The following ZBTB46 variants were observed in gnomAD, a reference collection of about 807,000 sequenced individuals.
ZBTB46 encodes the protein zinc finger and BTB domain containing 46, also known as zinc finger and BTB domain-containing protein 46.
In ZBTB46, 8 loss-of-function variants were observed where a neutral mutation model predicts 44.1. The observed-to-expected ratio is 0.18, with a 90% CI of 0.11 to 0.33. ZBTB46 has a LOEUF of 0.33. ZBTB46 is among the 10% of genes least tolerant of loss of function. The pLI is 1.00. For missense variants in ZBTB46, 651 were observed against 847.7 expected (o/e 0.77, Z 2.88); for synonymous variants, 409 against 382.3 (o/e 1.07, Z -0.81).
intron 3 of ZBTB46, among the ~76,000 whole-genome samples, chr20:63,757,146 C>T (rs1422679557): frequency 1.3e-5 from 2 of 152,162 alleles, no homozygotes; most frequent in Non-Finnish European, 2.9e-5. Context: ...GGGAGGGGAA[C>T]AGAATCTTGC....
intron 3 of ZBTB46, among the ~76,000 whole-genome samples, chr20:63,771,013 G>A (rs370613800): frequency 1.8e-4 from 4 of 22,650 alleles, no homozygotes; most frequent in Non-Finnish European, 4.4e-4. Flanking sequence ...ACGTCAGCAG[G>A]AGGTCGCAAG....
chr20:63,790,719 G>A lies in ZBTB46; in HGVS notation c.39C>T (p.His13=). The change falls in exon 2 of 5, where the codon CAC becomes CAT. Residue 13 remains histidine, a synonymous_variant. Coordinates refer to ENST00000245663, the MANE Select transcript of ZBTB46 (RefSeq NM_001369741.1). The stretch of plus-strand genomic sequence containing the variant: ...TGAGCTCCCGCAGCAGGTGCCGGTA[G>A]TGGGACGTGATTTCCATATCTTCCT... The part of the protein sequence containing the change: ...NRKEDMEITS[H]YRHLLRELNE... 1 of 1,610,056 alleles carries A rather than the reference G, an allele frequency of 6.2e-7. No homozygotes were observed. Among genetic ancestry groups the A allele is most frequent in the Non-Finnish European group, 8.5e-7 (1 of 1,179,020 alleles).
chr20:63,747,024 T>C lies in ZBTB46; in HGVS notation c.1676A>G (p.Asp559Gly). 6.2e-7 allele frequency: 1 copy of C among 1,608,228 alleles called. No individual in the cohort carries two copies. Residue 559 changes from aspartate to glycine, a missense_variant, in exon 5 of 5, where the codon GAT becomes GGT. Transcript: ENST00000245663. ...GEDDEGLAPE[D>G]ALLADDKDEE... is the part of the protein sequence containing the mutation. ...ATCCTTGTCGTCCGCCAACAGCGCA[T>C]CCTCAGGGGCCAGGCCCTCGTCGTC...
chr20:63,750,157 C>T (rs1439634222), intron 4 of ZBTB46, among the ~76,000 whole-genome samples: 2 of 152,236 alleles, frequency 1.3e-5, no homozygotes, highest in African/African-American at 2.4e-5. Context: ...GTCTCACACT[C>T]GGGTCTCCAC....
At chr20:63,773,268 A>G (rs1160724141) in intron 3 of ZBTB46, among the ~76,000 whole-genome samples, 1 of 137,490 alleles carries the variant, frequency 7.3e-6, no homozygotes, top group African/African-American at 2.9e-5. Flanking sequence ...TCACTCTGTC[A>G]CCCAGGCTGG....
At position 63,808,981 on chromosome 20, in the gene ZBTB46, AAAAAAAAAAAAAAAAAAAGAAAAAG is replaced by A. The variant is rs1311163273; in HGVS notation, c.-33-18216_-33-18192del. Reference sequence around the variant, plus strand: ...GGCAGAGCGAGACTCCGCTTCAAAAAAAAAAAAAAAAAAAAAAAGAAAAAGAAAAAAAAAAAAGAAAGAAAACTCC... The same window carrying A: ...GGCAGAGCGAGACTCCGCTTCAAAAAAAAAAAAAAAAAGAAAGAAAACTCC... On this transcript the variant is annotated intron_variant, in intron 1 of 4. Transcript: ENST00000245663. 4.5e-3 allele frequency among the ~76,000 whole-genome samples: 462 copies of A among 101,596 alleles called. 4 individuals are homozygous for A. The highest frequency in any genetic ancestry group is 5.8e-3 in the Non-Finnish European group (298 of 51,708). The allele number at this position is 101,596 out of a possible 152,430, so 66.7% of individuals were successfully genotyped here. A position where few individuals can be genotyped will look rare whatever the true frequency, so the allele number is the denominator to read the frequency against.
intron 1 of ZBTB46, among the ~76,000 whole-genome samples, chr20:63,807,294 T>C (rs936120248): frequency 3.3e-5 from 5 of 152,196 alleles, no homozygotes; most frequent in African/African-American, 1.2e-4. Flanking sequence ...TTTTCTTTCA[T>C]TGGAAGTTTT....
Position 63,747,058 on chromosome 20 carries a change from G to T in ZBTB46, c.1642C>A (p.Leu548Met). ...PEDPRGEAEE[L>M]GEDDEGLAPE... ...GCCAGGCCCTCGTCGTCCTCGCCCAGCTCCTCCGCCTCCCCTCGTGGGTCC... is the reference window on the plus strand; with the variant it reads ...GCCAGGCCCTCGTCGTCCTCGCCCATCTCCTCCGCCTCCCCTCGTGGGTCC... The change falls in exon 5 of 5, where the codon CTG (leucine) becomes ATG (methionine). Residue 548 changes from leucine to methionine, a missense_variant. By Grantham distance (15) the Leu-to-Met change is conservative (BLOSUM62 2). Coordinates refer to ENST00000245663, the MANE Select transcript of ZBTB46 (RefSeq NM_001369741.1). 1 of 1,608,748 alleles carries T rather than the reference G, an allele frequency of 6.2e-7. No individual in the cohort carries two copies. The highest frequency in any genetic ancestry group is 1.1e-5 in the South Asian group (1 of 91,082).
intron 1 of ZBTB46, among the ~76,000 whole-genome samples, chr20:63,806,246 TA>T (rs113225024): frequency 3.5e-4 from 51 of 144,208 alleles, no homozygotes; most frequent in Admixed American, 4.8e-4. Flanking sequence ...TACTAAAAGT[TA>T]AAAAAAAAAA....
intron 1 of ZBTB46, among the ~76,000 whole-genome samples, chr20:63,828,552 C>T (rs2092831887): frequency 6.6e-6 from 1 of 152,134 alleles, no homozygotes; most frequent in South Asian, 2.1e-4. Flanking sequence ...TCAACCATCA[C>T]TCAAGGTCAC....
chr20:63,803,302 G>A lies in ZBTB46; in HGVS notation c.-33-12512C>T, dbSNP rs930359711. 2.7e-5 allele frequency: 27 copies of A among 984,808 alleles called. No individual in the cohort carries two copies. In the African/African-American group the frequency reaches 4.7e-4, roughly 17 times the overall value. 61.0% of individuals were successfully genotyped at this position (984,808 alleles called of 1,614,324 possible). A position where few individuals can be genotyped will look rare whatever the true frequency, so the allele number is the denominator to read the frequency against. ...GTTAAGACATGAATACTGTGAAACT[G>A]TCGTACAAATTAAATTTCATATACA... On this transcript the variant is annotated intron_variant, in intron 1 of 4. Transcript: ENST00000245663. This position sits in a 1 kb window ranked among gnomAD's most constrained non-coding sequence, Gnocchi z 4.0.
intron 1 of ZBTB46, among the ~76,000 whole-genome samples, chr20:63,798,021 T>C (rs895198645): frequency 2.0e-5 from 3 of 152,242 alleles, no homozygotes; most frequent in Admixed American, 6.5e-5. Context: ...TTCATCAATT[T>C]TGGCTTTTGT....
intron 3 of ZBTB46, among the ~76,000 whole-genome samples, chr20:63,771,277 G>C (rs1447851547): frequency 6.6e-6 from 1 of 151,994 alleles, no homozygotes; most frequent in Admixed American, 6.6e-5. Flanking sequence ...AAGATGGCGG[G>C]GGGGCTACGC....
At chr20:63,763,939 G>A (rs1204255893) in intron 3 of ZBTB46, among the ~76,000 whole-genome samples, 1 of 151,938 alleles carries the variant, frequency 6.6e-6, no homozygotes, top group Non-Finnish European at 1.5e-5. Context: ...TACTCACACA[G>A]TTGCCTTATC....
chr20:63,779,949 G>C (rs754697858), intron 2 of ZBTB46, among the ~76,000 whole-genome samples: 1 of 152,122 alleles, frequency 6.6e-6, no homozygotes, highest in Non-Finnish European at 1.5e-5. Context: ...AGGATAAGCT[G>C]AAAGAACTCT....
At chr20:63,833,874 T>C (rs567727495), upstream of ZBTB46, among the ~76,000 whole-genome samples, 1 of 152,294 alleles carries the variant, frequency 6.6e-6, no homozygotes, top group Non-Finnish European at 1.5e-5. Flanking sequence ...ATAAACCCCA[T>C]TACTATTTAA....
At chr20:63,785,389 C>T (rs1361391973) in intron 2 of ZBTB46, among the ~76,000 whole-genome samples, 7 of 151,376 alleles carry the variant, frequency 4.6e-5, no homozygotes, top group Non-Finnish European at 1.0e-4. Context: ...GGTGAAACCC[C>T]GTCTCTACTA....
intron 1 of ZBTB46, among the ~76,000 whole-genome samples, chr20:63,817,143 G>T (rs1427569764): frequency 6.6e-6 from 1 of 152,034 alleles, no homozygotes; most frequent in African/African-American, 2.4e-5. Flanking sequence ...GAAAGGGCCA[G>T]ATGTGGTGGC....
At chr20:63,799,332 G>A (rs6010657) in intron 1 of ZBTB46, among the ~76,000 whole-genome samples, 14,620 of 151,164 alleles carry the variant, frequency 0.097, 1,105 homozygotes, top group African/African-American at 0.21. Context: ...GAGTCATCAC[G>A]TGTGGCCTGG....
Sources: allele counts gnomAD v4.1 joint callset (sites outside exome capture counted in the v4.1 genomes callset), GRCh38; gene constraint gnomAD v4.1.1; non-coding constraint Gnocchi (gnomAD v3.1); transcripts MANE v1.5; gene names NCBI Gene and HGNC (gene_info 2026-07-23, HGNC 2026-07-21).